The following DTNB variants were observed in gnomAD, a reference collection of about 807,000 sequenced individuals.
DTNB encodes the protein dystrobrevin beta.
DTNB carries 63 observed loss-of-function variants against 90.7 expected under a neutral mutation model. That is an observed-to-expected ratio of 0.69 (90% CI 0.57 to 0.86). The LOEUF is 0.86. Ranked by LOEUF, DTNB falls within the 40% of genes least tolerant of loss-of-function variation. The probability of loss-of-function intolerance (pLI) is 0.00; values close to 1 mark genes in which losing one functional copy is unlikely to be tolerated. For synonymous variants in DTNB, 277 were observed against 286.7 expected, an observed-to-expected ratio of 0.97 and a Z score of 0.34; for missense variants, 744 against 807.1, an observed-to-expected ratio of 0.92 and a Z score of 0.95.
Position 25,662,424 on chromosome 2 carries a change from A to G in DTNB, c.-1-9763T>C, listed in dbSNP as rs1476872109. Among the ~76,000 whole-genome samples the G allele has an allele frequency of 2.0e-5, 3 of 152,196 alleles. No individual in the cohort carries two copies. In the East Asian group the frequency reaches 5.8e-4, roughly 29 times the overall value. ...TAAGTGAAAAAAGTTACAAGAGAATACATAAAAAATAATATTATTTCCATA... is the reference window on the plus strand; with the variant it reads ...TAAGTGAAAAAAGTTACAAGAGAATGCATAAAAAATAATATTATTTCCATA... On this transcript the variant is annotated intron_variant, in intron 1 of 20. Transcript: ENST00000406818.
chr2:25,591,582 G>A (rs2063583823), intron 6 of DTNB, among the ~76,000 whole-genome samples: 1 of 152,192 alleles, frequency 6.6e-6, no homozygotes, highest in South Asian at 2.1e-4. Context: ...AGCGTCGAAA[G>A]TCAGTTAGTT....
At chr2:25,383,269 G>C (rs557788966) in intron 19 of DTNB, among the ~76,000 whole-genome samples, 1 of 146,786 alleles carries the variant, frequency 6.8e-6, no homozygotes, top group East Asian at 2.0e-4. Flanking sequence ...AGGACGGAGT[G>C]CAGTGGTGTG....
At chr2:25,636,589 T>C (rs2077170778) in intron 3 of DTNB, among the ~76,000 whole-genome samples, 1 of 150,974 alleles carries the variant, frequency 6.6e-6, no homozygotes, top group Non-Finnish European at 1.5e-5. Context: ...TACACACATA[T>C]ACACACAAAC....
chr2:25,475,565 T>C (rs1046005535), intron 10 of DTNB, among the ~76,000 whole-genome samples: 3 of 152,250 alleles, frequency 2.0e-5, no homozygotes, highest in African/African-American at 7.2e-5. Flanking sequence ...GCTCAGATCA[T>C]TGACGAAAGC....
At chr2:25,597,439 A>T (rs1236671226) in intron 5 of DTNB, among the ~76,000 whole-genome samples, 1 of 152,200 alleles carries the variant, frequency 6.6e-6, no homozygotes, top group Non-Finnish European at 1.5e-5. Flanking sequence ...ATATACATAC[A>T]TGCATTACTT....
chr2:25,473,900 T>C (rs555312507), intron 10 of DTNB, among the ~76,000 whole-genome samples: 162 of 152,344 alleles, frequency 1.1e-3, no homozygotes, highest in Admixed American at 2.0e-3. Flanking sequence ...GAGATCTTTT[T>C]CCCCAAACTT....
At chr2:25,504,590 G>C (rs934484633) in intron 9 of DTNB, among the ~76,000 whole-genome samples, 4 of 142,126 alleles carry the variant, frequency 2.8e-5, no homozygotes, top group African/African-American at 1.0e-4. Flanking sequence ...AGAAAAGAAA[G>C]AGAAAGAAGG....
At chr2:25,654,376 C>G (rs549384049) in intron 1 of DTNB, among the ~76,000 whole-genome samples, 1 of 152,272 alleles carries the variant, frequency 6.6e-6, no homozygotes, top group Non-Finnish European at 1.5e-5. Context: ...GTGCTACTGG[C>G]ATCTAGTAAA....
At chr2:25,488,685 C>T (rs999466321) in intron 9 of DTNB, among the ~76,000 whole-genome samples, 4 of 152,216 alleles carry the variant, frequency 2.6e-5, no homozygotes, top group Admixed American at 6.5e-5. Flanking sequence ...GAGTCTCTCA[C>T]TCTGTTGCCC....
rs555055521 is a variant in DTNB at position 25,586,463 on chromosome 2, T to C, written c.604-5637A>G. Among the ~76,000 whole-genome samples the C allele has an allele frequency of 3.3e-5, 5 of 150,690 alleles. No individual in the cohort carries two copies. In the East Asian group the frequency reaches 5.9e-4, roughly 18 times the overall value. ...AGGTGGAGGTTGCAGTGAGTCGAGA[T>C]TGCGCCACTGCACTCCAGCCTGGGC... On this transcript the variant is annotated intron_variant, in intron 6 of 20. Coordinates refer to ENST00000406818, the MANE Select transcript of DTNB (RefSeq NM_021907.5).
intron 5 of DTNB, among the ~76,000 whole-genome samples, chr2:25,606,539 GA>G (rs1214351308): frequency 6.6e-6 from 1 of 152,124 alleles, no homozygotes; most frequent in Non-Finnish European, 1.5e-5. Context: ...GATTCCATGA[GA>G]AAATACATGT....
chr2:25,390,643 C>T (rs1558315141), intron 16 of DTNB, among the ~76,000 whole-genome samples: 3 of 151,920 alleles, frequency 2.0e-5, no homozygotes, highest in East Asian at 1.9e-4. Flanking sequence ...GATGGGGTTT[C>T]GCCATCTTGG....
intron 10 of DTNB, among the ~76,000 whole-genome samples, chr2:25,469,500 C>T (rs1197554566): frequency 2.0e-5 from 3 of 152,150 alleles, no homozygotes; most frequent in Non-Finnish European, 4.4e-5. Flanking sequence ...GGCTGGAGTG[C>T]AGTGGTGTGA....
intron 9 of DTNB, among the ~76,000 whole-genome samples, chr2:25,504,270 C>T (rs1035575376): frequency 5.8e-5 from 8 of 136,978 alleles, no homozygotes; most frequent in South Asian, 2.3e-4. Context: ...GAAGGACGGA[C>T]GGATGGACAG....
At chr2:25,433,412 T>C (rs1051276705) in intron 13 of DTNB, among the ~76,000 whole-genome samples, 5 of 152,152 alleles carry the variant, frequency 3.3e-5, no homozygotes, top group African/African-American at 1.2e-4. Flanking sequence ...TAGACAGCTA[T>C]GTTGCTTCTA....
Position 25,383,897 on chromosome 2 carries a change from A to T in DTNB, c.1826-8T>A. On this transcript the variant is annotated splice_polypyrimidine_tract_variant and splice_region_variant and intron_variant, in intron 18 of 20. Transcript: ENST00000406818. Reference sequence around the variant, plus strand: ...CCTCTGCACCTTCCTCTGCTGTGAAAACAAGTCCAAGGAGGCCAGTGACCC... The same window carrying T: ...CCTCTGCACCTTCCTCTGCTGTGAATACAAGTCCAAGGAGGCCAGTGACCC... The T allele has an allele frequency of 6.2e-7, 1 of 1,614,038 alleles. No homozygotes were observed. The highest frequency in any genetic ancestry group is 8.5e-7 in the Non-Finnish European group (1 of 1,179,894).
At chr2:25,383,498 C>T (rs1034648890) in intron 19 of DTNB, among the ~76,000 whole-genome samples, 7 of 152,140 alleles carry the variant, frequency 4.6e-5, no homozygotes, top group Admixed American at 1.3e-4. Context: ...GGATTACAGG[C>T]GTGAGCCACC....
intron 16 of DTNB, among the ~76,000 whole-genome samples, chr2:25,406,188 A>G (rs1009111467): frequency 6.6e-5 from 10 of 152,130 alleles, no homozygotes; most frequent in African/African-American, 2.4e-4. Flanking sequence ...GTGGAGGCGC[A>G]TATTTGTATC....
intron 8 of DTNB, among the ~76,000 whole-genome samples, chr2:25,557,428 A>G (rs2057550416): frequency 6.6e-6 from 1 of 152,204 alleles, no homozygotes; most frequent in Admixed American, 6.5e-5. Context: ...GTGCTACCAC[A>G]GGTCAAAATA....
Sources: allele counts gnomAD v4.1 joint callset (sites outside exome capture counted in the v4.1 genomes callset), GRCh38; gene constraint gnomAD v4.1.1; transcripts MANE v1.5; gene names NCBI Gene and HGNC (gene_info 2026-07-23, HGNC 2026-07-21).